RAP1A: variants seen among roughly 807,000 people sequenced by gnomAD.
RAP1A encodes RAP1A, member of RAS oncogene family, also known as ras-related protein Rap-1A.
A neutral mutation model predicts 26.4 loss-of-function variants in RAP1A; 6 were observed. The observed-to-expected ratio is 0.23, with a 90% CI of 0.12 to 0.45. RAP1A has a LOEUF of 0.45. Ranked by LOEUF, RAP1A falls within the 20% of genes least tolerant of loss-of-function variation. RAP1A has a pLI of 0.99. For missense variants in RAP1A, 121 were observed against 217.2 expected, an observed-to-expected ratio of 0.56 and a Z score of 2.78; for synonymous variants, 73 against 79.4, an observed-to-expected ratio of 0.92 and a Z score of 0.43.
At chr1:111,703,625 T>C in intron 5 of RAP1A, 149 bp downstream of exon 5, 1 of 694,192 alleles carries the variant, frequency 1.4e-6, no homozygotes, top group East Asian at 3.1e-5. Flanking sequence ...AATTTAACTT[T>C]CAAAATTAAC....
chr1:111,629,515 G>A (rs1205993611), intron 1 of RAP1A, among the ~76,000 whole-genome samples: 1 of 152,118 alleles, frequency 6.6e-6, no homozygotes, highest in Admixed American at 6.5e-5. Flanking sequence ...ACAGGCTTGT[G>A]ATACTTATAA....
chr1:111,657,305 T>C (rs981049809), intron 1 of RAP1A, among the ~76,000 whole-genome samples: 4 of 152,200 alleles, frequency 2.6e-5, no homozygotes, highest in East Asian at 3.8e-4. Flanking sequence ...TTAAACATAT[T>C]GTATAAAATT....
At chr1:111,585,793 A>T (rs1194569268) in intron 1 of RAP1A, among the ~76,000 whole-genome samples, 1 of 152,180 alleles carries the variant, frequency 6.6e-6, no homozygotes, top group Admixed American at 6.5e-5. Flanking sequence ...CTACACTAAG[A>T]CACATTTAAT....
At chr1:111,545,743 T>G (rs1657012303) in intron 1 of RAP1A, among the ~76,000 whole-genome samples, 1 of 152,190 alleles carries the variant, frequency 6.6e-6, no homozygotes, top group African/African-American at 2.4e-5. Context: ...TGAAAAGCTT[T>G]GTTATTTTAG....
intron 1 of RAP1A, among the ~76,000 whole-genome samples, chr1:111,634,716 C>T (rs959326935): frequency 2.7e-5 from 4 of 150,912 alleles, no homozygotes; most frequent in Non-Finnish European, 3.0e-5. Context: ...GTGATCTCGG[C>T]TCACTGCAAC....
At chr1:111,667,390 AATGTAGATTC>A (rs1660826946) in intron 1 of RAP1A, among the ~76,000 whole-genome samples, 3 of 152,202 alleles carry the variant, frequency 2.0e-5, no homozygotes, top group African/African-American at 7.2e-5. Flanking sequence ...GTTTTCATCA[AATGTAGATTC>A]ATGGCTGGGC....
chr1:111,701,025 A>G (rs1316223903), intron 4 of RAP1A, among the ~76,000 whole-genome samples: 1 of 152,168 alleles, frequency 6.6e-6, no homozygotes, highest in Non-Finnish European at 1.5e-5. Flanking sequence ...ATTGTTCTCC[A>G]CACAGTAACC....
chr1:111,634,147 A>G (rs2101108339), intron 1 of RAP1A, among the ~76,000 whole-genome samples: 1 of 152,350 alleles, frequency 6.6e-6, no homozygotes, highest in South Asian at 2.1e-4. Context: ...TAATAGTGCA[A>G]AGAAATTGGC....
At chr1:111,624,138 C>G (rs1357183027) in intron 1 of RAP1A, among the ~76,000 whole-genome samples, 1 of 152,140 alleles carries the variant, frequency 6.6e-6, no homozygotes, top group Admixed American at 6.5e-5. Context: ...TTGATTACAT[C>G]TAATCATTTG....
chr1:111,608,035 C>CG (rs1229263008), intron 1 of RAP1A: 255 of 150,164 alleles, frequency 1.7e-3, no homozygotes, highest in Non-Finnish European at 3.0e-3. Flanking sequence ...GCTGGCCTGG[C>CG]GGGGGCTGAC....
chr1:111,692,517 C>T (rs1209038585), intron 2 of RAP1A, among the ~76,000 whole-genome samples: 1 of 152,082 alleles, frequency 6.6e-6, no homozygotes, highest in South Asian at 2.1e-4. Flanking sequence ...AAAAATGTAG[C>T]CCACATATAA....
chr1:111,584,824 A>G (rs1658331088), intron 1 of RAP1A, among the ~76,000 whole-genome samples: 1 of 152,164 alleles, frequency 6.6e-6, no homozygotes, highest in Non-Finnish European at 1.5e-5. Flanking sequence ...AAAAAAATAA[A>G]CCCACAAATA....
intron 1 of RAP1A, among the ~76,000 whole-genome samples, chr1:111,634,558 A>G (rs1197216787): frequency 6.7e-6 from 1 of 150,218 alleles, no homozygotes; most frequent in Non-Finnish European, 1.5e-5. Flanking sequence ...TATATGTCAT[A>G]TATTTTATTT....
chr1:111,560,225 C>T (rs543850543), intron 1 of RAP1A, among the ~76,000 whole-genome samples: 78 of 152,264 alleles, frequency 5.1e-4, no homozygotes, highest in African/African-American at 1.8e-3. Context: ...AGCCCAACCT[C>T]GTCTTACAAT....
intron 1 of RAP1A, among the ~76,000 whole-genome samples, chr1:111,679,642 A>T (rs1368268547): frequency 6.6e-6 from 1 of 152,210 alleles, no homozygotes; most frequent in Non-Finnish European, 1.5e-5. Context: ...CATGGAGTCC[A>T]GCAAGCTAAG....
intron 1 of RAP1A, among the ~76,000 whole-genome samples, chr1:111,549,303 C>CA (rs1657159766): frequency 6.8e-6 from 1 of 147,526 alleles, no homozygotes; most frequent in South Asian, 2.1e-4. Context: ...GCCATCCAGT[C>CA]ATGGGCTTTT....
At chr1:111,625,012 C>T (rs1163595076) in intron 1 of RAP1A, among the ~76,000 whole-genome samples, 1 of 152,082 alleles carries the variant, frequency 6.6e-6, no homozygotes, top group African/African-American at 2.4e-5. Context: ...TAGAGTGGTT[C>T]AAAGTGTTAA....
intron 1 of RAP1A, among the ~76,000 whole-genome samples, chr1:111,594,889 A>C (rs4839151): frequency 8.2e-4 from 125 of 152,374 alleles, no homozygotes; most frequent in Non-Finnish European, 1.5e-3. Flanking sequence ...AGTAGAAACA[A>C]AAAATATTAG....
At chr1:111,660,931 A>C (rs1254836817) in intron 1 of RAP1A, among the ~76,000 whole-genome samples, 1 of 152,172 alleles carries the variant, frequency 6.6e-6, no homozygotes, top group African/African-American at 2.4e-5. Flanking sequence ...CATCATCTTT[A>C]GTTGTTTACT....
Sources: gnomAD v4.1 joint callset for allele counts (sites outside exome capture counted in the v4.1 genomes callset) on GRCh38, gnomAD v4.1.1 for gene constraint, MANE v1.5 for transcripts, NCBI Gene and HGNC (gene_info 2026-07-23, HGNC 2026-07-21) for gene names.